NFASC: variants seen among roughly 807,000 people sequenced by gnomAD.
NFASC encodes neurofascin homolog.
Under a neutral mutation model 147.5 loss-of-function variants are expected in NFASC, and 43 were observed. That is an observed-to-expected ratio of 0.29 (90% confidence interval 0.23 to 0.38). The LOEUF (loss-of-function observed/expected upper bound fraction) is 0.38. Ranked by LOEUF, NFASC falls within the 10% of genes least tolerant of loss-of-function variation. The pLI, the probability that NFASC is intolerant of heterozygous loss-of-function variation, is 1.00. For missense variants in NFASC, 1,320 were observed against 1,689.0 expected, an observed-to-expected ratio of 0.78 and a Z score of 3.83; for synonymous variants, 622 against 665.5, an observed-to-expected ratio of 0.93 and a Z score of 1.01.
chr1:204,835,213 C>CTTT (rs1001302661), intron 1 of NFASC, among the ~76,000 whole-genome samples: 152 of 80,582 alleles, frequency 1.9e-3, no homozygotes, highest in Non-Finnish European at 2.2e-3. Flanking sequence ...TGAGGTGGGT[C>CTTT]TTTTTTTTTT....
At chr1:204,945,412 C>G (rs1165975151) in intron 3 of NFASC, among the ~76,000 whole-genome samples, 1 of 152,336 alleles carries the variant, frequency 6.6e-6, no homozygotes, top group East Asian at 1.9e-4. Context: ...AAAAGTCGTC[C>G]CTGAGCTCTC....
Position 204,979,318 on chromosome 1 carries a change from C to T in NFASC, c.1979-44C>T. The T allele has an allele frequency of 2.7e-6, 4 of 1,490,706 alleles. No homozygotes were observed. Among genetic ancestry groups the T allele is most frequent in the Non-Finnish European group, 3.7e-6 (4 of 1,068,056 alleles). The allele number at this position is 1,490,706 out of a possible 1,614,324, so 92.3% of individuals were successfully genotyped here. On this transcript the variant is annotated intron_variant, in intron 18 of 29. Transcript: ENST00000339876. The surrounding 1 kb of genome is among the most constrained non-coding windows in gnomAD (Gnocchi z 6.0). ...GAAGTGCTTTTAAAGAAGACCACTGCTAACTGAGCTCCCGAAACAGCTCTG... is the reference window on the plus strand; with the variant it reads ...GAAGTGCTTTTAAAGAAGACCACTGTTAACTGAGCTCCCGAAACAGCTCTG...
At chr1:204,923,617 G>A (rs1172947048) in intron 2 of NFASC, among the ~76,000 whole-genome samples, 1 of 152,214 alleles carries the variant, frequency 6.6e-6, no homozygotes, top group East Asian at 1.9e-4. Context: ...TGGACAGCAT[G>A]GGCCCAGGAC....
Position 204,934,132 on chromosome 1 carries a change from C to T in NFASC, c.-90-10094C>T, listed in dbSNP as rs554612952. 3.9e-3 allele frequency among the ~76,000 whole-genome samples: 385 copies of T among 99,336 alleles called. 4 individuals are homozygous for T. The highest frequency in any genetic ancestry group is 0.013 in the African/African-American group (362 of 27,834). 65.2% of individuals were successfully genotyped at this position (99,336 alleles called of 152,430 possible). A position where few individuals can be genotyped will look rare whatever the true frequency, so the allele number is the denominator to read the frequency against. On this transcript the variant is annotated intron_variant, in intron 2 of 29. Transcript: ENST00000339876. ...CACCCCGGGCGACAGAGTGAGACTC[C>T]ATTTCAAAAAAAAAAAAAAAAACAG...
rs780018175 is a variant in NFASC at position 204,837,450 on chromosome 1, G to T, written c.-200+8668G>T. Among the ~76,000 whole-genome samples the T allele has an allele frequency of 1.6e-4, 24 of 152,190 alleles. 1 individual carries two copies. Among genetic ancestry groups the T allele is most frequent in the Admixed American group, 3.3e-4 (5 of 15,292 alleles). Reference sequence around the variant, plus strand: ...TGGGGCCAGACTGTAGCAAACCTTGGCTTGCTGAGGAGTGAATTTTTTTGG... The same window carrying T: ...TGGGGCCAGACTGTAGCAAACCTTGTCTTGCTGAGGAGTGAATTTTTTTGG... On this transcript the variant is annotated intron_variant, in intron 1 of 29. Coordinates refer to ENST00000339876, the MANE Select transcript of NFASC (RefSeq NM_001005388.3).
intron 1 of NFASC, among the ~76,000 whole-genome samples, chr1:204,910,762 C>T (rs955740948): frequency 1.3e-5 from 2 of 152,066 alleles, no homozygotes; most frequent in African/African-American, 4.8e-5. Context: ...CTCCGGCCTC[C>T]CAAAGTGCTG....
At position 204,987,513 on chromosome 1, in the gene NFASC, A is replaced by G; in HGVS notation, c.2566A>G (p.Ile856Val). Residue 856 changes from isoleucine to valine, a missense_variant, in exon 22 of 30, where the codon ATT (isoleucine) becomes GTT (valine). Ile to Val is a conservative substitution (Grantham distance 29). Around this residue, in one of 3 missense-constraint regions of NFASC, gnomAD observed 981 missense variants for 1,289.5 expected, o/e 0.76. Transcript: ENST00000339876. This position sits in a 1 kb window ranked among gnomAD's most constrained non-coding sequence, Gnocchi z 4.4. ...TCCTGAGCATCCAAATGGGATCATG[A>G]TTGGATACACTCTCAAATATGTGGC... is the stretch of plus-strand genomic sequence containing the variant. ...DHPEHPNGIM[I>V]GYTLKYVAFN... 1.2e-6 allele frequency: 2 copies of G among 1,614,000 alleles called. No homozygotes were observed. The highest frequency in any genetic ancestry group is 1.7e-6 in the Non-Finnish European group (2 of 1,179,938).
intron 2 of NFASC, among the ~76,000 whole-genome samples, chr1:204,930,813 G>A (rs918318659): frequency 4.6e-5 from 7 of 152,354 alleles, no homozygotes; most frequent in African/African-American, 1.7e-4. Flanking sequence ...GAGCAGAGAT[G>A]GCAGGAGGTG....
chr1:204,944,838 C>T (rs1050178849), intron 3 of NFASC: 1 of 161,536 alleles, frequency 6.2e-6, no homozygotes, highest in Non-Finnish European at 1.3e-5. Flanking sequence ...CAAATCCACA[C>T]CCTTCGGGCC....
At chr1:204,880,651 G>C (rs1380938909) in intron 1 of NFASC, among the ~76,000 whole-genome samples, 1 of 152,168 alleles carries the variant, frequency 6.6e-6, no homozygotes, top group Admixed American at 6.5e-5. Flanking sequence ...ACTTGGCCTT[G>C]AGTTTTTCAC....
chr1:205,009,317 G>GCTT (rs3839001), intron 27 of NFASC: 85,640 of 651,120 alleles, frequency 0.13, 6,823 homozygotes, highest in East Asian at 0.26. Flanking sequence ...TCAACCTTCT[G>GCTT]CTTATTTGCT....
chr1:204,949,207 G>A (rs1163847788), intron 3 of NFASC, among the ~76,000 whole-genome samples: 1 of 152,134 alleles, frequency 6.6e-6, no homozygotes, highest in South Asian at 2.1e-4. Flanking sequence ...TAGCATGTAC[G>A]GCAGGGCCCT....
chr1:205,005,418 C>T (rs183591059), intron 27 of NFASC, among the ~76,000 whole-genome samples: 3,079 of 152,206 alleles, frequency 0.02, 55 homozygotes, highest in Non-Finnish European at 0.035. Context: ...GTGGAAGGCA[C>T]ACAAAACACG....
chr1:204,961,918 G>T lies in NFASC; in HGVS notation c.706+4092G>T, dbSNP rs111742380. Among the ~76,000 whole-genome samples, 2 of 152,142 alleles carry T rather than the reference G, an allele frequency of 1.3e-5. 1 individual carries two copies. The highest frequency in any genetic ancestry group is 4.8e-5 in the African/African-American group (2 of 41,492). ...TTAACCTTTTTTTCTCCTTTTGTGGGCTGTTTTGTGTTGCTTGTTCTTCAC... is the reference window on the plus strand; with the variant it reads ...TTAACCTTTTTTTCTCCTTTTGTGGTCTGTTTTGTGTTGCTTGTTCTTCAC... On this transcript the variant is annotated intron_variant, in intron 8 of 29. Transcript: ENST00000339876.
chr1:204,916,149 C>T (rs1206611933), intron 1 of NFASC, among the ~76,000 whole-genome samples: 1 of 152,194 alleles, frequency 6.6e-6, no homozygotes, highest in Non-Finnish European at 1.5e-5. Context: ...AACCAAGTGC[C>T]TAGCAAACTG....
chr1:204,899,917 A>G (rs781011033), intron 1 of NFASC, among the ~76,000 whole-genome samples: 58 of 152,234 alleles, frequency 3.8e-4, no homozygotes, highest in Non-Finnish European at 5.7e-4. Context: ...AGGATTTTTA[A>G]AAATCATTTG....
chr1:204,841,733 C>T (rs1675427163), intron 1 of NFASC, among the ~76,000 whole-genome samples: 1 of 152,152 alleles, frequency 6.6e-6, no homozygotes, highest in Non-Finnish European at 1.5e-5. Flanking sequence ...TGAGCCTTCC[C>T]TAACCATCTT....
At position 205,016,098 on chromosome 1, in the gene NFASC, A is replaced by C. The variant is rs868449; in HGVS notation, c.3492-210A>C. Among the ~76,000 whole-genome samples the C allele has an allele frequency of 0.36, 54,771 of 152,040 alleles. 12,222 individuals are homozygous for C. Among genetic ancestry groups the C allele is most frequent in the Non-Finnish European group, 0.49 (32,999 of 67,934 alleles). ...GGGCTCCACTCCCTGCCCTGCCCTG[A>C]CCTGCAACCTCACCTTAGAGAAGGT... On this transcript the variant is annotated intron_variant, in intron 29 of 29. Transcript: ENST00000339876. The surrounding 1 kb of genome is among the most constrained non-coding windows in gnomAD (Gnocchi z 5.1).
At chr1:204,928,233 T>C (rs1332662289) in intron 2 of NFASC, among the ~76,000 whole-genome samples, 1 of 152,206 alleles carries the variant, frequency 6.6e-6, no homozygotes, top group African/African-American at 2.4e-5. Context: ...CAGGAGGGTA[T>C]ACCGACTACA....
Sources: gnomAD v4.1 joint callset for allele counts (sites outside exome capture counted in the v4.1 genomes callset) on GRCh38, gnomAD v4.1.1 for gene constraint, gnomAD v4.1.1 regional missense constraint, Gnocchi (gnomAD v3.1) non-coding constraint, MANE v1.5 for transcripts, NCBI Gene and HGNC (gene_info 2026-07-23, HGNC 2026-07-21) for gene names.